Variants in AFG2A observed in about 807,000 individuals in gnomAD.
AFG2A encodes ATPase family gene 2 protein homolog A.
At chr4:123,250,777 A>T in the AFG2A span, among the ~76,000 whole-genome samples, 1 of 152,182 alleles carries the variant, frequency 6.6e-6, no homozygotes, top group Non-Finnish European at 1.5e-5. Flanking sequence ...CATAGGGTTC[A>T]GAATATTAGA....
chr4:123,089,426 G>A, the AFG2A span, among the ~76,000 whole-genome samples: 22 of 152,048 alleles, frequency 1.4e-4, no homozygotes, highest in African/African-American at 5.3e-4. Context: ...ACAATGCTGT[G>A]TTACTCTATA....
the AFG2A span, chr4:122,938,344 A>G: frequency 1.5e-6 from 2 of 1,293,656 alleles, no homozygotes; most frequent in Admixed American, 3.0e-5. Context: ...GTCTTTGGAT[A>G]TTTTAGGATA....
At chr4:122,935,691 G>T in the AFG2A span, 2 of 1,554,586 alleles carry the variant, frequency 1.3e-6, no homozygotes. Flanking sequence ...GGTGAATCTA[G>T]TGTTTTCTAC....
the AFG2A span, among the ~76,000 whole-genome samples, chr4:123,229,189 G>A: frequency 6.6e-6 from 1 of 152,002 alleles, no homozygotes; most frequent in Non-Finnish European, 1.5e-5. Context: ...GCCAAGTGCT[G>A]TGGAAGGACA....
At chr4:123,072,744 A>C in the AFG2A span, among the ~76,000 whole-genome samples, 1 of 152,172 alleles carries the variant, frequency 6.6e-6, no homozygotes, top group Non-Finnish European at 1.5e-5. Flanking sequence ...TTTTTCAAGA[A>C]GTCCAGTCTA....
chr4:122,946,214 A>G, the AFG2A span, among the ~76,000 whole-genome samples: 2 of 152,248 alleles, frequency 1.3e-5, no homozygotes, highest in African/African-American at 2.4e-5. Context: ...GATGGCAAAT[A>G]TAGAGAGCTG....
At chr4:123,064,115 AT>A in the AFG2A span, among the ~76,000 whole-genome samples, 1 of 152,138 alleles carries the variant, frequency 6.6e-6, no homozygotes, top group East Asian at 1.9e-4. Context: ...TAAGCCTGAT[AT>A]TTACTTCTCT....
At chr4:123,300,530 G>A in the AFG2A span, among the ~76,000 whole-genome samples, 1 of 152,068 alleles carries the variant, frequency 6.6e-6, no homozygotes, top group Non-Finnish European at 1.5e-5. Flanking sequence ...ATATAATTTT[G>A]CAGATAAGGA....
chr4:123,010,270 C>T, the AFG2A span, among the ~76,000 whole-genome samples: 1 of 152,150 alleles, frequency 6.6e-6, no homozygotes, highest in East Asian at 1.9e-4. Context: ...CATATTGTTG[C>T]TTAAATGTCA....
the AFG2A span, among the ~76,000 whole-genome samples, chr4:123,057,829 A>G: frequency 6.6e-6 from 1 of 152,266 alleles, no homozygotes; most frequent in Admixed American, 6.5e-5. Context: ...ACACACACAC[A>G]CATCAGAACT....
At chr4:123,173,476 C>A in the AFG2A span, among the ~76,000 whole-genome samples, 1 of 151,268 alleles carries the variant, frequency 6.6e-6, no homozygotes, top group Non-Finnish European at 1.5e-5. Context: ...CTGCCTCAGC[C>A]TCCCGAGTAG....
chr4:123,261,085 TC>T, the AFG2A span, among the ~76,000 whole-genome samples: 17 of 152,142 alleles, frequency 1.1e-4, no homozygotes, highest in African/African-American at 4.1e-4. Flanking sequence ...TCCGAAACCA[TC>T]CCCCCACCCC....
chr4:123,262,379 C>A, the AFG2A span, among the ~76,000 whole-genome samples: 2 of 152,146 alleles, frequency 1.3e-5, no homozygotes, highest in African/African-American at 4.8e-5. Flanking sequence ...GAACTAAAGT[C>A]AAGCAAAAGA....
At chr4:123,100,641 A>G in the AFG2A span, among the ~76,000 whole-genome samples, 355 of 151,980 alleles carry the variant, frequency 2.3e-3, 7 homozygotes, top group East Asian at 0.052. Flanking sequence ...CTCCTAATGC[A>G]TTCCAGGATT....
At chr4:122,958,577 A>G in the AFG2A span, among the ~76,000 whole-genome samples, 1 of 152,224 alleles carries the variant, frequency 6.6e-6, no homozygotes, top group Non-Finnish European at 1.5e-5. Context: ...AAACATTATT[A>G]TATGAGAATC....
At chr4:123,196,672 A>G in the AFG2A span, among the ~76,000 whole-genome samples, 1,137 of 152,286 alleles carry the variant, frequency 7.5e-3, 10 homozygotes, top group African/African-American at 0.025. Context: ...AACTAGGTAT[A>G]GAGATTGGAT....
the AFG2A span, chr4:123,259,868 T>G: frequency 1.3e-5 from 2 of 152,196 alleles, no homozygotes; most frequent in Non-Finnish European, 1.5e-5. Context: ...TGTATCAGAA[T>G]TTGCTGACAT....
the AFG2A span, among the ~76,000 whole-genome samples, chr4:123,046,781 A>G: frequency 6.6e-6 from 1 of 151,644 alleles, no homozygotes; most frequent in Non-Finnish European, 1.5e-5. Flanking sequence ...ATTTTTTTTC[A>G]TCTCCCTCCT....
At chr4:122,947,787 A>G in the AFG2A span, among the ~76,000 whole-genome samples, 4 of 152,178 alleles carry the variant, frequency 2.6e-5, no homozygotes, top group African/African-American at 7.2e-5. Flanking sequence ...CTGTGGTCTG[A>G]AAATATTCAG....
Sources: gnomAD v4.1 joint callset for allele counts (sites outside exome capture counted in the v4.1 genomes callset) on GRCh38, gnomAD v4.1.1 for gene constraint, MANE v1.5 for transcripts, NCBI Gene and HGNC (gene_info 2026-07-23, HGNC 2026-07-21) for gene names.